Variants in SOX5 observed in about 807,000 individuals in gnomAD.
SOX5 encodes SRY-box transcription factor 5, also known as transcription factor SOX-5.
SOX5 carries 9 observed loss-of-function variants against 92.0 expected under a neutral mutation model. That is an observed-to-expected ratio of 0.10 (90% CI 0.06 to 0.17). SOX5 has a LOEUF of 0.17. Ranked by LOEUF, SOX5 falls within the 10% of genes least tolerant of loss-of-function variation. The probability of loss-of-function intolerance (pLI) is 1.00; values close to 1 mark genes in which losing one functional copy is unlikely to be tolerated. For missense variants in SOX5, 642 were observed against 944.5 expected (o/e 0.68, Z 4.20); for synonymous variants, 344 against 336.3 (o/e 1.02, Z -0.25).
intron 3 of SOX5, among the ~76,000 whole-genome samples, chr12:23,803,463 C>G (rs1327048911): frequency 6.6e-6 from 1 of 152,120 alleles, no homozygotes; most frequent in African/African-American, 2.4e-5. Context: ...AATTCTTGCT[C>G]TCTTCTCTAT....
At chr12:24,153,498 T>C (rs1951860983) in intron 4 of SOX5, among the ~76,000 whole-genome samples, 1 of 152,112 alleles carries the variant, frequency 6.6e-6, no homozygotes, top group Admixed American at 6.6e-5. Context: ...TCTAAAATAG[T>C]TTTCTAGAAA....
intron 1 of SOX5, among the ~76,000 whole-genome samples, chr12:24,481,984 T>A (rs1398429296): frequency 6.6e-6 from 1 of 152,180 alleles, no homozygotes; most frequent in Non-Finnish European, 1.5e-5. Flanking sequence ...TAATAGTTAA[T>A]ATAGCCATCA....
At chr12:24,171,240 T>G (rs1489860208) in intron 4 of SOX5, among the ~76,000 whole-genome samples, 1 of 124,976 alleles carries the variant, frequency 8.0e-6, no homozygotes, top group Non-Finnish European at 1.7e-5. Context: ...TTTTTTTTTT[T>G]GGAGACAGAG....
chr12:24,552,762 G>A (rs1249816750), intron 1 of SOX5, among the ~76,000 whole-genome samples: 1 of 152,224 alleles, frequency 6.6e-6, no homozygotes, highest in Non-Finnish European at 1.5e-5. Flanking sequence ...CACTTTGGGA[G>A]GCCAAGGCAG....
intron 1 of SOX5, among the ~76,000 whole-genome samples, chr12:24,530,727 T>C (rs563921076): frequency 2.2e-3 from 317 of 146,672 alleles, no homozygotes; most frequent in African/African-American, 7.4e-3. Context: ...TGAGTGACAA[T>C]GCAAGACTCC....
intron 1 of SOX5, among the ~76,000 whole-genome samples, chr12:24,371,320 A>G (rs1186456134): frequency 1.3e-5 from 2 of 152,160 alleles, no homozygotes; most frequent in African/African-American, 4.8e-5. Flanking sequence ...AAAAACAAGT[A>G]TAAGTTCGGA....
chr12:23,702,753 T>A (rs1038190090), intron 6 of SOX5, among the ~76,000 whole-genome samples: 3 of 148,218 alleles, frequency 2.0e-5, no homozygotes, highest in Admixed American at 6.7e-5. Context: ...AAACAGAGAG[T>A]GTGTGTGTGT....
chr12:23,859,359 T>C (rs1490394613), intron 2 of SOX5, among the ~76,000 whole-genome samples: 1 of 152,158 alleles, frequency 6.6e-6, no homozygotes, highest in Non-Finnish European at 1.5e-5. Context: ...TGGGAATGTT[T>C]GTCTTATGCA....
At chr12:23,825,241 G>A (rs2096208027) in intron 3 of SOX5, among the ~76,000 whole-genome samples, 1 of 152,186 alleles carries the variant, frequency 6.6e-6, no homozygotes, top group African/African-American at 2.4e-5. Flanking sequence ...GGAATCTCCT[G>A]GTCTGCAGGT....
At chr12:24,378,522 AAAG>A (rs1957513640) in intron 1 of SOX5, among the ~76,000 whole-genome samples, 1 of 152,198 alleles carries the variant, frequency 6.6e-6, no homozygotes, top group Admixed American at 6.5e-5. Flanking sequence ...CTTAACTCAT[AAAG>A]GAGGAGCACT....
intron 9 of SOX5, among the ~76,000 whole-genome samples, chr12:23,593,004 G>A (rs1592366739): frequency 1.3e-5 from 2 of 152,144 alleles, no homozygotes; most frequent in South Asian, 2.1e-4. Context: ...GCTTGAACCT[G>A]GGAGGCAAAG....
intron 3 of SOX5, among the ~76,000 whole-genome samples, chr12:24,247,655 T>C (rs554638612): frequency 7.1e-4 from 104 of 146,238 alleles, no homozygotes; most frequent in African/African-American, 2.5e-3. Context: ...CTTTTTTTTT[T>C]TTTTTTTTTT....
chr12:24,517,178 T>G lies in SOX5; in HGVS notation c.-251+45151A>C, dbSNP rs565149865. On this transcript the variant is annotated intron_variant, in intron 1 of 4. Coordinates refer to the SOX5 transcript ENST00000446891. The stretch of plus-strand genomic sequence containing the variant: ...TCAGCCAGCTGAAATGGTTGCAATA[T>G]GCAATTCTATCCCCCTTTCCCTTGC... Among the ~76,000 whole-genome samples the G allele has an allele frequency of 6.6e-5, 10 of 152,360 alleles. No individual in the cohort carries two copies. The South Asian group carries it at 2.1e-3, about 32-fold the overall frequency.
At chr12:23,754,322 C>A (rs1313132453) in intron 4 of SOX5, among the ~76,000 whole-genome samples, 7 of 151,834 alleles carry the variant, frequency 4.6e-5, no homozygotes, top group Non-Finnish European at 7.4e-5. Flanking sequence ...AATAAAAAAC[C>A]TTGGAGAATG....
intron 3 of SOX5, chr12:24,227,194 C>A (rs552373241): frequency 6.6e-6 from 1 of 152,326 alleles, no homozygotes; most frequent in Non-Finnish European, 1.5e-5. Flanking sequence ...AAACAGCAGA[C>A]GTCAGACAGC....
intron 6 of SOX5, among the ~76,000 whole-genome samples, chr12:23,723,188 T>A (rs951624580): frequency 1.3e-5 from 2 of 152,010 alleles, no homozygotes; most frequent in African/African-American, 4.8e-5. Flanking sequence ...TGTTTATGTT[T>A]TCTTGCTCTC....
chr12:23,677,867 T>G (rs2085962296), intron 6 of SOX5, among the ~76,000 whole-genome samples: 2 of 152,242 alleles, frequency 1.3e-5, no homozygotes, highest in South Asian at 4.1e-4. Context: ...ACAAAGATAA[T>G]ATTTCAATAC....
chr12:23,834,987 G>A (rs2135716971), intron 3 of SOX5, among the ~76,000 whole-genome samples: 1 of 151,918 alleles, frequency 6.6e-6, no homozygotes, highest in Middle Eastern at 3.4e-3. Flanking sequence ...TAACGTTCTT[G>A]ACATGGTAAA....
At chr12:24,414,076 G>A (rs140637288) in intron 1 of SOX5, among the ~76,000 whole-genome samples, 227 of 152,214 alleles carry the variant, frequency 1.5e-3, no homozygotes, top group African/African-American at 5.2e-3. Context: ...AAAAATTCTT[G>A]TTCATCTCCC....
Sources: gnomAD v4.1 joint callset for allele counts (sites outside exome capture counted in the v4.1 genomes callset) on GRCh38, gnomAD v4.1.1 for gene constraint, MANE v1.5 for transcripts, NCBI Gene and HGNC (gene_info 2026-07-23, HGNC 2026-07-21) for gene names.